The following MRAP2 variants were observed in gnomAD, a reference collection of about 807,000 sequenced individuals.
MRAP2 encodes melanocortin 2 receptor accessory protein 2.
Under a neutral mutation model 17.4 loss-of-function variants are expected in MRAP2, and 20 were observed. That is an observed-to-expected ratio of 1.15 (90% CI 0.81 to 1.67). The LOEUF is 1.67. Among genes scored for constraint, MRAP2 ranks in the 40% most tolerant of loss-of-function variants. The probability of loss-of-function intolerance (pLI) is 0.00; values close to 1 mark genes in which losing one functional copy is unlikely to be tolerated. For missense variants in MRAP2, 238 were observed against 240.0 expected, an observed-to-expected ratio of 0.99 and a Z score of 0.05; for synonymous variants, 96 against 88.4, an observed-to-expected ratio of 1.09 and a Z score of -0.48.
intron 3 of MRAP2, among the ~76,000 whole-genome samples, chr6:84,073,185 G>T (rs768324377): frequency 6.6e-6 from 1 of 152,118 alleles, no homozygotes; most frequent in Non-Finnish European, 1.5e-5. Context: ...TCCTCTGGCC[G>T]CCCTGCCTAT....
chr6:84,057,607 ACCTATTTATT>A (rs1189098468), intron 2 of MRAP2, among the ~76,000 whole-genome samples: 2 of 152,096 alleles, frequency 1.3e-5, no homozygotes, highest in Non-Finnish European at 2.9e-5. Flanking sequence ...CAAAGTGGAA[ACCTATTTATT>A]TATTCATTCA....
chr6:84,063,637 G>C (rs1003373112), intron 3 of MRAP2, among the ~76,000 whole-genome samples: 3 of 152,166 alleles, frequency 2.0e-5, no homozygotes, highest in African/African-American at 7.2e-5. Context: ...GTAATGGCTT[G>C]TAAAAAATTC....
the MRAP2 span, among the ~76,000 whole-genome samples, chr6:84,117,041 G>T: frequency 2.0e-5 from 3 of 146,908 alleles, no homozygotes; most frequent in Admixed American, 2.1e-4. Flanking sequence ...TTTTTTTCAT[G>T]AGATAGAGTC....
At chr6:84,053,929 TG>T (rs998924088) in intron 1 of MRAP2, among the ~76,000 whole-genome samples, 1 of 151,786 alleles carries the variant, frequency 6.6e-6, no homozygotes, top group Non-Finnish European at 1.5e-5. Context: ...ATGTCTGGGA[TG>T]GGAAAGAAGG....
the MRAP2 span, among the ~76,000 whole-genome samples, chr6:84,132,330 C>T: frequency 1.3e-5 from 2 of 152,100 alleles, no homozygotes; most frequent in African/African-American, 4.8e-5. Flanking sequence ...CTTGGAGTTG[C>T]TCTTCTTGAG....
chr6:84,114,624 G>A, the MRAP2 span, among the ~76,000 whole-genome samples: 2 of 152,170 alleles, frequency 1.3e-5, no homozygotes, highest in South Asian at 4.1e-4. Flanking sequence ...CCTTGCTGGT[G>A]AGGAGTTGTG....
At chr6:84,141,651 G>A in the MRAP2 span, among the ~76,000 whole-genome samples, 81 of 152,232 alleles carry the variant, frequency 5.3e-4, 1 homozygote, top group African/African-American at 1.9e-3. Flanking sequence ...TTTACAGAAA[G>A]TACTCCAGCC....
the MRAP2 span, among the ~76,000 whole-genome samples, chr6:84,121,673 A>T: frequency 2.0e-5 from 3 of 152,122 alleles, no homozygotes; most frequent in East Asian, 5.8e-4. Context: ...ACAAGTACAT[A>T]AAAACAAAAC....
downstream of MRAP2, among the ~76,000 whole-genome samples, chr6:84,094,371 C>T (rs1428051038): frequency 6.6e-6 from 1 of 152,150 alleles, no homozygotes; most frequent in East Asian, 1.9e-4. Context: ...ATCCTGATTC[C>T]TCTTCACTTA....
rs537660116 is a variant in MRAP2, at chr6:84,086,064, G to A, written c.228-3027G>A. Among the ~76,000 whole-genome samples the A allele has an allele frequency of 3.9e-5, 6 of 152,304 alleles. No individual in the cohort carries two copies. In the South Asian group the frequency reaches 1.0e-3, roughly 26 times the overall value. On this transcript the variant is annotated intron_variant, in intron 3 of 3. Coordinates refer to ENST00000257776, the MANE Select transcript of MRAP2 (RefSeq NM_138409.4). Reference sequence around the variant, plus strand: ...CAAAAGTGATCTTGCTTCAGGTTCCGCTTCTGGAGACCATTTATGTCAACC... The same window carrying A: ...CAAAAGTGATCTTGCTTCAGGTTCCACTTCTGGAGACCATTTATGTCAACC...
the MRAP2 span, among the ~76,000 whole-genome samples, chr6:84,106,568 C>T: frequency 6.6e-6 from 1 of 152,160 alleles, no homozygotes; most frequent in Admixed American, 6.5e-5. Context: ...TATGCATATC[C>T]TCCATCCCTG....
At chr6:84,110,371 G>T in the MRAP2 span, among the ~76,000 whole-genome samples, 1 of 152,026 alleles carries the variant, frequency 6.6e-6, no homozygotes, top group East Asian at 1.9e-4. Context: ...TATATTTGTT[G>T]GCTACATAAA....
chr6:84,068,143 G>T (rs1294050032), intron 3 of MRAP2, among the ~76,000 whole-genome samples: 1 of 152,136 alleles, frequency 6.6e-6, no homozygotes, highest in African/African-American at 2.4e-5. Context: ...TTGTTCAAAA[G>T]AGTGTCCTTT....
chr6:84,127,458 A>G, the MRAP2 span, among the ~76,000 whole-genome samples: 8,103 of 152,182 alleles, frequency 0.053, 694 homozygotes, highest in African/African-American at 0.18. Context: ...AAAGAACTAT[A>G]CAGACTATAA....
the MRAP2 span, among the ~76,000 whole-genome samples, chr6:84,135,932 T>A: frequency 6.6e-6 from 1 of 152,242 alleles, no homozygotes; most frequent in Admixed American, 6.5e-5. Context: ...TGTGCCTTCG[T>A]GCTTTGTAAC....
the MRAP2 span, among the ~76,000 whole-genome samples, chr6:84,120,104 C>T: frequency 0.017 from 2,541 of 152,224 alleles, 67 homozygotes; most frequent in African/African-American, 0.056. Flanking sequence ...TCGTTTAAGT[C>T]CTGGAGTCTG....
chr6:84,104,056 A>G, the MRAP2 span, among the ~76,000 whole-genome samples: 1 of 152,190 alleles, frequency 6.6e-6, no homozygotes, highest in African/African-American at 2.4e-5. Context: ...ACTTCAACAA[A>G]CTTAATTCTT....
intron 2 of MRAP2, among the ~76,000 whole-genome samples, chr6:84,057,975 G>C (rs1329961986): frequency 1.3e-5 from 2 of 152,146 alleles, no homozygotes; most frequent in East Asian, 3.9e-4. Context: ...GAGTGAACTG[G>C]ATCATGCAAG....
the MRAP2 span, among the ~76,000 whole-genome samples, chr6:84,122,194 A>T: frequency 6.6e-6 from 1 of 152,018 alleles, no homozygotes; most frequent in East Asian, 1.9e-4. Context: ...AAGAGGAAGG[A>T]TGCCTCCCAA....
Sources: allele counts gnomAD v4.1 joint callset (sites outside exome capture counted in the v4.1 genomes callset), GRCh38; gene constraint gnomAD v4.1.1; transcripts MANE v1.5; gene names NCBI Gene and HGNC (gene_info 2026-07-23, HGNC 2026-07-21).